Variants in CHSY3 observed in about 807,000 individuals in gnomAD.
The protein encoded by CHSY3 is chondroitin sulfate synthase 3.
A neutral mutation model predicts 67.2 loss-of-function variants in CHSY3; 35 were observed. The observed-to-expected ratio is 0.52, with a 90% CI of 0.40 to 0.69. The LOEUF (loss-of-function observed/expected upper bound fraction) is 0.69. Ranked by LOEUF, CHSY3 falls within the 30% of genes least tolerant of loss-of-function variation. CHSY3 has a pLI of 0.00. For missense variants in CHSY3, 1,069 were observed against 1,138.5 expected (o/e 0.94, Z 0.88); for synonymous variants, 474 against 434.7 (o/e 1.09, Z -1.12).
intron 2 of CHSY3, among the ~76,000 whole-genome samples, chr5:130,042,955 A>T (rs187617308): frequency 6.6e-6 from 1 of 152,150 alleles, no homozygotes; most frequent in Admixed American, 6.6e-5. Context: ...AAGAACTGGG[A>T]TAGCAAAGTT....
At chr5:129,910,007 T>G (rs1760478875) in intron 2 of CHSY3, among the ~76,000 whole-genome samples, 1 of 152,000 alleles carries the variant, frequency 6.6e-6, no homozygotes, top group Admixed American at 6.5e-5. Flanking sequence ...AGGCCTAGTC[T>G]TCACCTAGCA....
intron 2 of CHSY3, among the ~76,000 whole-genome samples, chr5:129,960,566 A>C (rs896833803): frequency 6.6e-6 from 1 of 152,028 alleles, no homozygotes; most frequent in Non-Finnish European, 1.5e-5. Flanking sequence ...CGGAAATTAC[A>C]AAAAAGATTA....
intron 2 of CHSY3, among the ~76,000 whole-genome samples, chr5:129,957,696 G>T (rs1762217605): frequency 6.6e-6 from 1 of 151,940 alleles, no homozygotes; most frequent in African/African-American, 2.4e-5. Flanking sequence ...CTCATCATTT[G>T]GAAATCATTA....
At chr5:130,134,244 A>AT (rs1768586058) in intron 2 of CHSY3, among the ~76,000 whole-genome samples, 1 of 152,120 alleles carries the variant, frequency 6.6e-6, no homozygotes, top group African/African-American at 2.4e-5. Flanking sequence ...ATGTGTGGTG[A>AT]TTTTTTTGCA....
At chr5:129,989,354 G>A (rs538388691) in intron 2 of CHSY3, among the ~76,000 whole-genome samples, 20 of 148,690 alleles carry the variant, frequency 1.3e-4, no homozygotes, top group African/African-American at 2.7e-4. Context: ...CTCTGCCTCC[G>A]GGGTTCAAGT....
At chr5:130,135,882 T>G (rs1269772646) in intron 2 of CHSY3, among the ~76,000 whole-genome samples, 1 of 152,220 alleles carries the variant, frequency 6.6e-6, no homozygotes, top group Non-Finnish European at 1.5e-5. Flanking sequence ...ATATAATTGT[T>G]TAGAGACTGT....
intron 2 of CHSY3, among the ~76,000 whole-genome samples, chr5:130,169,862 C>T (rs189183604): frequency 4.6e-5 from 7 of 151,994 alleles, no homozygotes; most frequent in African/African-American, 7.2e-5. Context: ...TGATTTTATG[C>T]GTGATCAGTG....
chr5:129,929,633 A>G (rs1474759631), intron 2 of CHSY3, among the ~76,000 whole-genome samples: 3 of 152,196 alleles, frequency 2.0e-5, no homozygotes, highest in Admixed American at 6.5e-5. Flanking sequence ...TTTCTCAGGA[A>G]TAGTTAAATA....
chr5:130,020,878 C>A (rs1351616527), intron 2 of CHSY3, among the ~76,000 whole-genome samples: 3 of 152,066 alleles, frequency 2.0e-5, no homozygotes, highest in African/African-American at 7.2e-5. Flanking sequence ...TGATCTAACC[C>A]CTTCCACACC....
At chr5:130,171,899 A>G (rs568545119) in intron 2 of CHSY3, among the ~76,000 whole-genome samples, 44 of 152,206 alleles carry the variant, frequency 2.9e-4, no homozygotes, top group Non-Finnish European at 5.4e-4. Flanking sequence ...GGTGCAAGTG[A>G]CAGAACCACA....
intron 2 of CHSY3, among the ~76,000 whole-genome samples, chr5:129,947,307 G>A (rs944889371): frequency 1.3e-5 from 2 of 152,050 alleles, no homozygotes; most frequent in African/African-American, 2.4e-5. Flanking sequence ...ACGACATATG[G>A]GGATTATGGG....
At chr5:129,905,776 C>A in intron 1 of CHSY3, 145 bp downstream of exon 1, 34 of 1,442,094 alleles carry the variant, frequency 2.4e-5, no homozygotes, top group Non-Finnish European at 3.1e-5. Flanking sequence ...GCCCTCCCCA[C>A]CCCTTGCATC....
At chr5:130,133,335 T>C (rs1561552023) in intron 2 of CHSY3, among the ~76,000 whole-genome samples, 2 of 152,176 alleles carry the variant, frequency 1.3e-5, no homozygotes, top group Non-Finnish European at 2.9e-5. Context: ...TTGGTGTGCA[T>C]AGATACTCAT....
intron 2 of CHSY3, among the ~76,000 whole-genome samples, chr5:129,980,854 T>A (rs1221713726): frequency 2.6e-5 from 4 of 152,096 alleles, no homozygotes; most frequent in African/African-American, 9.7e-5. Flanking sequence ...AGTTTTCTAG[T>A]ACCATTTGTT....
At chr5:129,928,016 A>G (rs1275351732) in intron 2 of CHSY3, among the ~76,000 whole-genome samples, 1 of 152,044 alleles carries the variant, frequency 6.6e-6, no homozygotes, top group African/African-American at 2.4e-5. Flanking sequence ...AAATTTTAGA[A>G]TAGTAGAAAA....
At chr5:130,050,964 A>T (rs1041513291) in intron 2 of CHSY3, among the ~76,000 whole-genome samples, 5 of 152,202 alleles carry the variant, frequency 3.3e-5, no homozygotes, top group African/African-American at 1.2e-4. Flanking sequence ...GCTATTACAA[A>T]AAATATGGTA....
At chr5:129,965,737 A>G (rs540295392) in intron 2 of CHSY3, among the ~76,000 whole-genome samples, 1 of 152,016 alleles carries the variant, frequency 6.6e-6, no homozygotes, top group South Asian at 2.1e-4. Flanking sequence ...TTTTTTCAGT[A>G]ATTATTCTTT....
chr5:130,002,535 C>T (rs986418683), intron 2 of CHSY3, among the ~76,000 whole-genome samples: 4 of 152,086 alleles, frequency 2.6e-5, no homozygotes, highest in Non-Finnish European at 5.9e-5. Flanking sequence ...TCCTGGCTAG[C>T]TTATTGTCCA....
At chr5:129,932,491 A>T (rs1761349209) in intron 2 of CHSY3, among the ~76,000 whole-genome samples, 1 of 152,098 alleles carries the variant, frequency 6.6e-6, no homozygotes, top group Non-Finnish European at 1.5e-5. Flanking sequence ...TTGGCCCAAA[A>T]ATTGGACACC....
Sources: allele counts gnomAD v4.1 joint callset (sites outside exome capture counted in the v4.1 genomes callset), GRCh38; gene constraint gnomAD v4.1.1; transcripts MANE v1.5; gene names NCBI Gene and HGNC (gene_info 2026-07-23, HGNC 2026-07-21).